TMC1: variants seen among roughly 807,000 people sequenced by gnomAD.
The protein encoded by TMC1 is transmembrane channel like 1.
TMC1 carries 84 observed loss-of-function variants against 105.8 expected under a neutral mutation model. That is an observed-to-expected ratio of 0.79 (90% CI 0.67 to 0.95). The LOEUF is 0.95. TMC1 is among the 40% of genes least tolerant of loss of function. The pLI is 0.00. For synonymous variants in TMC1, 315 were observed against 311.5 expected, an observed-to-expected ratio of 1.01 and a Z score of -0.12; for missense variants, 817 against 914.1, an observed-to-expected ratio of 0.89 and a Z score of 1.37.
At chr9:72,572,485 G>A (rs866147106) in intron 1 of TMC1, among the ~76,000 whole-genome samples, 1 of 152,008 alleles carries the variant, frequency 6.6e-6, no homozygotes, top group Non-Finnish European at 1.5e-5. Context: ...TATTGTTAAC[G>A]GTACTATGGG....
At chr9:72,696,313 C>G (rs1826549940) in intron 7 of TMC1, among the ~76,000 whole-genome samples, 1 of 152,074 alleles carries the variant, frequency 6.6e-6, no homozygotes, top group African/African-American at 2.4e-5. Flanking sequence ...GATCCCTTAC[C>G]TCCCACTCTT....
chr9:72,817,699 G>A (rs906512594), intron 19 of TMC1, among the ~76,000 whole-genome samples: 4 of 152,152 alleles, frequency 2.6e-5, no homozygotes, highest in African/African-American at 9.7e-5. Context: ...CAGAAAAGCT[G>A]TTATAATGGC....
chr9:72,619,000 C>T (rs1232258084), intron 3 of TMC1, among the ~76,000 whole-genome samples: 1 of 152,154 alleles, frequency 6.6e-6, no homozygotes, highest in Non-Finnish European at 1.5e-5. Flanking sequence ...TGGTGCTCTC[C>T]AAATGCCATT....
At chr9:72,668,192 A>G (rs1475426460) in intron 5 of TMC1, among the ~76,000 whole-genome samples, 1 of 152,230 alleles carries the variant, frequency 6.6e-6, no homozygotes, top group Admixed American at 6.5e-5. Flanking sequence ...TATGGGTTTT[A>G]GCATTTAACT....
At chr9:72,671,170 G>A (rs1477745519) in intron 5 of TMC1, among the ~76,000 whole-genome samples, 2 of 152,158 alleles carry the variant, frequency 1.3e-5, no homozygotes, top group African/African-American at 4.8e-5. Flanking sequence ...AATATAATGG[G>A]GCATATAATA....
intron 4 of TMC1, among the ~76,000 whole-genome samples, chr9:72,647,010 C>T (rs994604447): frequency 2.0e-5 from 3 of 151,456 alleles, no homozygotes; most frequent in Admixed American, 6.6e-5. Context: ...GGTGTGGTGG[C>T]GGGTGCCTGT....
intron 13 of TMC1, 144 bp downstream of exon 13, chr9:72,772,699 C>A (rs1827950286): frequency 4.5e-6 from 5 of 1,106,258 alleles, no homozygotes; most frequent in Admixed American, 3.6e-5. Context: ...AGTTTTAATA[C>A]CAACACTAAT....
chr9:72,615,994 G>T (rs12337575), intron 2 of TMC1, among the ~76,000 whole-genome samples: 40,101 of 151,704 alleles, frequency 0.26, 5,613 homozygotes, highest in African/African-American at 0.32. Flanking sequence ...GTGATTCCTC[G>T]GCCCTAGCCT....
At chr9:72,565,577 A>G (rs1322133062) in intron 1 of TMC1, among the ~76,000 whole-genome samples, 2 of 152,044 alleles carry the variant, frequency 1.3e-5, no homozygotes. Flanking sequence ...GTGTGTGTGT[A>G]TGTGTATGTT....
At chr9:72,560,470 G>A (rs1335674605) in intron 1 of TMC1, among the ~76,000 whole-genome samples, 2 of 152,020 alleles carry the variant, frequency 1.3e-5, no homozygotes, top group Non-Finnish European at 2.9e-5. Flanking sequence ...ATTTGTATGT[G>A]TCTGTGATGG....
intron 6 of TMC1, among the ~76,000 whole-genome samples, chr9:72,693,356 A>T (rs1245371084): frequency 1.3e-5 from 2 of 152,210 alleles, no homozygotes; most frequent in Non-Finnish European, 2.9e-5. Context: ...ACGTCCAAAG[A>T]ATAGATACAT....
intron 5 of TMC1, among the ~76,000 whole-genome samples, chr9:72,667,922 C>T (rs1826069616): frequency 6.6e-6 from 1 of 152,198 alleles, no homozygotes; most frequent in Non-Finnish European, 1.5e-5. Context: ...TCAGCCTTCT[C>T]TCTTCATTTT....
intron 8 of TMC1, among the ~76,000 whole-genome samples, chr9:72,714,403 C>T (rs1051236255): frequency 6.6e-6 from 1 of 152,094 alleles, no homozygotes; most frequent in African/African-American, 2.4e-5. Flanking sequence ...GGGTCTAAGC[C>T]TCTTTGTAGG....
At chr9:72,733,139 CAG>C (rs1461889425) in intron 8 of TMC1, among the ~76,000 whole-genome samples, 4 of 150,876 alleles carry the variant, frequency 2.7e-5, no homozygotes, top group Non-Finnish European at 5.9e-5. Context: ...AGAACATGTG[CAG>C]AGTTTTGAGA....
chr9:72,534,446 A>C (rs1052818343), intron 1 of TMC1, among the ~76,000 whole-genome samples: 55 of 152,328 alleles, frequency 3.6e-4, no homozygotes, highest in African/African-American at 1.3e-3. Context: ...TCCACCAAAG[A>C]AAGCTATTTG....
At chr9:72,820,587 A>G (rs1828851180) in intron 19 of TMC1, among the ~76,000 whole-genome samples, 1 of 152,220 alleles carries the variant, frequency 6.6e-6, no homozygotes, top group Non-Finnish European at 1.5e-5. Context: ...GATAGTAGGT[A>G]TAGTTAGTTA....
intron 1 of TMC1, among the ~76,000 whole-genome samples, chr9:72,542,306 C>T (rs2132065085): frequency 1.3e-5 from 2 of 152,220 alleles, no homozygotes; most frequent in East Asian, 3.9e-4. Context: ...GCTAAAAATA[C>T]ACAAATTAGC....
intron 5 of TMC1, 74 bp downstream of exon 5, chr9:72,648,738 G>T (rs187347074): frequency 1.4e-6 from 2 of 1,403,134 alleles, no homozygotes; most frequent in East Asian, 4.6e-5. Flanking sequence ...GAAAACTTTG[G>T]AAAGTTTGTT....
intron 9 of TMC1, chr9:72,741,400 G>A (rs1294642630): frequency 4.5e-6 from 2 of 446,526 alleles, no homozygotes; most frequent in Admixed American, 5.2e-5. Context: ...CCACCATGAA[G>A]TCTCAACACA....
Sources: gnomAD v4.1 joint callset for allele counts (sites outside exome capture counted in the v4.1 genomes callset) on GRCh38, gnomAD v4.1.1 for gene constraint, MANE v1.5 for transcripts, NCBI Gene and HGNC (gene_info 2026-07-23, HGNC 2026-07-21) for gene names.